CDH23: variants seen among roughly 807,000 people sequenced by gnomAD.
CDH23 encodes cadherin related 23.
In CDH23, 189 loss-of-function variants were observed where a neutral mutation model predicts 317.1. That is an observed-to-expected ratio of 0.60 (90% CI 0.53 to 0.67). CDH23 has a LOEUF of 0.67. CDH23 is among the 30% of genes least tolerant of loss of function. CDH23 has a pLI of 0.00. For synonymous variants in CDH23, 1,839 were observed against 1,876.8 expected, an observed-to-expected ratio of 0.98 and a Z score of 0.52; for missense variants, 4,401 against 4,592.4, an observed-to-expected ratio of 0.96 and a Z score of 1.20.
rs753392230 is a variant in CDH23, at chr10:71,679,482, G to T, written c.1848G>T (p.Glu616Asp). ...GCTACTTCGACATCAGCCTGTACGA[G>T]GGCTATGGAGGTAGGTGTGGGGCAG... Reference protein sequence around the residue: ...FGSYFDISLYEGYGVISVSRP... With the variant: ...FGSYFDISLYDGYGVISVSRP... Residue 616 changes from glutamate (E) to aspartate (D), a missense_variant, in exon 17 of 70, where the codon GAG (glutamate) becomes GAT (aspartate). Glu to Asp is a conservative substitution (Grantham distance 45). Transcript: ENST00000224721. 1 of 1,608,108 alleles carries T rather than the reference G, an allele frequency of 6.2e-7. No homozygotes were observed. The highest frequency in any genetic ancestry group is 2.2e-5 in the East Asian group (1 of 44,768).
At chr10:71,535,579 C>G (rs944793118) in intron 6 of CDH23, among the ~76,000 whole-genome samples, 1 of 152,248 alleles carries the variant, frequency 6.6e-6, no homozygotes, top group Non-Finnish European at 1.5e-5. Context: ...GACAGACACC[C>G]TCGCATGGGC....
intron 3 of CDH23, among the ~76,000 whole-genome samples, chr10:71,482,988 A>G (rs1351480853): frequency 6.6e-6 from 1 of 152,252 alleles, no homozygotes; most frequent in African/African-American, 2.4e-5. Flanking sequence ...GTCTTGGTAC[A>G]AAGGACATTG....
In CDH23 at chr10:71,798,471, T is replaced by C. The variant is rs1238146217; in HGVS notation, c.6947T>C (p.Ile2316Thr). The change falls in exon 50 of 70, where the codon ATT (isoleucine) becomes ACT (threonine). Residue 2316 changes from isoleucine to threonine, a missense_variant. Around this residue, in one of 3 missense-constraint regions of CDH23, gnomAD observed 3,068 missense variants for 3,203.3 expected, o/e 0.96. Transcript: ENST00000224721. ...GGGGCCACCCCTGGGACCACACTCA[T>C]TGCTGTGGCAGCCGTGGACCCTGAC... Reference protein sequence around the residue: ...LEGATPGTTLIAVAAVDPDKG... With the variant: ...LEGATPGTTLTAVAAVDPDKG... 6.2e-7 allele frequency: 1 copy of C among 1,613,972 alleles called. No homozygotes were observed. Among genetic ancestry groups the C allele is most frequent in the Non-Finnish European group, 8.5e-7 (1 of 1,179,846 alleles).
chr10:71,434,933 C>A (rs916466792), intron 1 of CDH23, among the ~76,000 whole-genome samples: 3 of 152,172 alleles, frequency 2.0e-5, no homozygotes, highest in Non-Finnish European at 4.4e-5. Flanking sequence ...TTGGCATGTG[C>A]AGCTTACCTC....
At chr10:71,595,113 G>A (rs903984340) in intron 9 of CDH23, among the ~76,000 whole-genome samples, 2 of 152,112 alleles carry the variant, frequency 1.3e-5, no homozygotes, top group African/African-American at 2.4e-5. Flanking sequence ...TACCTACTTC[G>A]ATGAGGCATT....
intron 14 of CDH23, among the ~76,000 whole-genome samples, chr10:71,657,174 A>G (rs568882098): frequency 2.6e-5 from 4 of 152,352 alleles, no homozygotes; most frequent in African/African-American, 9.6e-5. Flanking sequence ...TGTCAAGTGG[A>G]AAGGGCTGCA....
intron 38 of CDH23, among the ~76,000 whole-genome samples, chr10:71,769,428 G>A (rs906162996): frequency 6.6e-6 from 1 of 151,934 alleles, no homozygotes; most frequent in Non-Finnish European, 1.5e-5. Context: ...TAATGACAGC[G>A]ATAAAAAGTT....
intron 32 of CDH23, among the ~76,000 whole-genome samples, chr10:71,733,531 TC>T (rs1839459922): frequency 6.6e-6 from 1 of 151,892 alleles, no homozygotes; most frequent in African/African-American, 2.4e-5. Context: ...AACAAAAGAC[TC>T]CTATCACCTA....
chr10:71,812,387 A>T (rs781538262), intron 66 of CDH23, 93 bp from the exon 67 acceptor site: 19 of 1,605,068 alleles, frequency 1.2e-5, no homozygotes, highest in Non-Finnish European at 1.6e-5. Flanking sequence ...CTATATGGCC[A>T]GGGAAATGGG....
At chr10:71,793,739 T>C in intron 48 of CDH23, 99 bp downstream of exon 48, 1 of 896,352 alleles carries the variant, frequency 1.1e-6, no homozygotes, top group African/African-American at 1.7e-5. Flanking sequence ...TTCTTTGCTG[T>C]TCCCTTGCTA....
intron 9 of CDH23, among the ~76,000 whole-genome samples, chr10:71,602,861 A>G (rs1041970338): frequency 4.6e-5 from 7 of 152,182 alleles, no homozygotes; most frequent in African/African-American, 1.7e-4. Flanking sequence ...CTCACCTCCA[A>G]AGAGGAAACT....
intron 9 of CDH23, among the ~76,000 whole-genome samples, chr10:71,593,248 G>T (rs1251267543): frequency 6.6e-6 from 1 of 152,192 alleles, no homozygotes; most frequent in African/African-American, 2.4e-5. Context: ...TTGTTTAGTA[G>T]CTGGTGTTGG....
chr10:71,621,367 A>C (rs1861458330), intron 11 of CDH23, among the ~76,000 whole-genome samples: 1 of 152,240 alleles, frequency 6.6e-6, no homozygotes, highest in Admixed American at 6.5e-5. Context: ...TCACATGCCC[A>C]CGATTAGTGT....
intron 21 of CDH23, among the ~76,000 whole-genome samples, chr10:71,694,785 C>T (rs185846287): frequency 3.9e-5 from 6 of 152,236 alleles, no homozygotes; most frequent in Admixed American, 2.0e-4. Flanking sequence ...GGAGAGGAAG[C>T]GGGAGGACCA....
At position 71,734,525 on chromosome 10, in the gene CDH23, C is replaced by A. The variant is rs956901516; in HGVS notation, c.4207-131C>A. On this transcript the variant is annotated intron_variant, in intron 33 of 69. Coordinates refer to ENST00000224721, the MANE Select transcript of CDH23 (RefSeq NM_022124.6). ...CCCAGCAGGTTGGGCTAGGATGAGA[C>A]CTCAGGCAGGTGGAGGGTGGCACCT... The A allele has an allele frequency of 1.8e-5, 29 of 1,601,090 alleles. No homozygotes were observed. In the African/African-American group the frequency reaches 3.1e-4, roughly 17 times the overall value.
At chr10:71,673,470 C>T (rs1864231413) in intron 14 of CDH23, among the ~76,000 whole-genome samples, 1 of 152,220 alleles carries the variant, frequency 6.6e-6, no homozygotes, top group Non-Finnish European at 1.5e-5. Flanking sequence ...TGGGATTCCT[C>T]CTGCTCCCCT....
At chr10:71,458,954 A>AT (rs34201905) in intron 3 of CDH23, among the ~76,000 whole-genome samples, 2,664 of 151,716 alleles carry the variant, frequency 0.018, 81 homozygotes, top group African/African-American at 0.06. Flanking sequence ...TGCCCAGCTA[A>AT]TTTTTTGTAT....
chr10:71,453,785 G>A (rs1268914392), intron 3 of CDH23, among the ~76,000 whole-genome samples: 1 of 152,248 alleles, frequency 6.6e-6, no homozygotes, highest in Non-Finnish European at 1.5e-5. Context: ...TGGTGGCAAA[G>A]CCACAGGAAT....
intron 60 of CDH23, among the ~76,000 whole-genome samples, chr10:71,808,488 C>A (rs1841812251): frequency 6.6e-6 from 1 of 152,196 alleles, no homozygotes. Context: ...TCCCCTATGT[C>A]AGGCATTGTG....
Sources: allele counts gnomAD v4.1 joint callset (sites outside exome capture counted in the v4.1 genomes callset), GRCh38; gene constraint gnomAD v4.1.1; regional missense constraint gnomAD v4.1.1; transcripts MANE v1.5; gene names NCBI Gene and HGNC (gene_info 2026-07-23, HGNC 2026-07-21).